The following ELP4 variants were observed in gnomAD, a reference collection of about 807,000 sequenced individuals.
ELP4 encodes the protein elongator complex protein 4.
In ELP4, 51 loss-of-function variants were observed where a neutral mutation model predicts 48.9. That is an observed-to-expected ratio of 1.04 (90% CI 0.83 to 1.32). The LOEUF (loss-of-function observed/expected upper bound fraction) is 1.32. Ranked by LOEUF, ELP4 falls within the 40% of genes most tolerant of loss-of-function variation. The probability of loss-of-function intolerance (pLI) is 0.00; values close to 1 mark genes in which losing one functional copy is unlikely to be tolerated. For synonymous variants in ELP4, 210 were observed against 189.2 expected (o/e 1.11, Z -0.90); for missense variants, 519 against 514.6 (o/e 1.01, Z -0.08).
At chr11:31,758,939 A>C (rs1054937669) in intron 9 of ELP4, among the ~76,000 whole-genome samples, 1 of 152,108 alleles carries the variant, frequency 6.6e-6, no homozygotes, top group Non-Finnish European at 1.5e-5. Context: ...TTTTAATAGA[A>C]AATTTTTAAA....
At position 31,729,834 on chromosome 11, in the gene ELP4, A is replaced by G. The variant is rs138151520; in HGVS notation, c.1144-53559A>G. On this transcript the variant is annotated intron_variant, in intron 9 of 9. Coordinates refer to ENST00000640961, the MANE Select transcript of ELP4 (RefSeq NM_019040.5). ...GCTTGTCTACGTATAATTCAGCCACATTGACTACAGCACCATTAGTTTGGC... is the reference window on the plus strand; with the variant it reads ...GCTTGTCTACGTATAATTCAGCCACGTTGACTACAGCACCATTAGTTTGGC... Among the ~76,000 whole-genome samples, 836 of 152,316 alleles carry G rather than the reference A, an allele frequency of 5.5e-3. 5 individuals carry two copies. Among genetic ancestry groups the G allele is most frequent in the Non-Finnish European group, 6.8e-3 (466 of 68,030 alleles).
intron 2 of ELP4, among the ~76,000 whole-genome samples, chr11:31,536,733 T>G (rs1195835393): frequency 6.6e-6 from 1 of 152,248 alleles, no homozygotes. Flanking sequence ...TCCACATACT[T>G]GTCAGTTGAA....
chr11:31,608,155 T>A (rs7935896), intron 5 of ELP4, among the ~76,000 whole-genome samples: 81 of 151,822 alleles, frequency 5.3e-4, no homozygotes, highest in African/African-American at 1.7e-3. Flanking sequence ...TATGACAGTT[T>A]GAGGTTATGT....
chr11:31,700,987 TTCC>T (rs1187066535), intron 9 of ELP4, among the ~76,000 whole-genome samples: 1 of 152,098 alleles, frequency 6.6e-6, no homozygotes, highest in Non-Finnish European at 1.5e-5. Context: ...TAAGATTTCC[TTCC>T]TCTTTACAAG....
At chr11:31,515,424 G>A (rs1956093345) in intron 1 of ELP4, among the ~76,000 whole-genome samples, 1 of 152,134 alleles carries the variant, frequency 6.6e-6, no homozygotes, top group African/African-American at 2.4e-5. Context: ...AAGGCTGGAG[G>A]CTAGTTTGAG....
At position 31,656,270 on chromosome 11, in the gene ELP4, C is replaced by A. The variant is rs187867860; in HGVS notation, c.1143+6049C>A. ...TATTATTCCAAATGATTGAAACTGC[C>A]ATCTTGCTGACTTTCCCTTAGGCAG... is the stretch of plus-strand genomic sequence containing the variant. On this transcript the variant is annotated intron_variant, in intron 9 of 9. Transcript: ENST00000640961. 3.9e-5 allele frequency among the ~76,000 whole-genome samples: 6 copies of A among 152,052 alleles called. No homozygotes were observed. In the East Asian group the frequency reaches 1.2e-3, roughly 29 times the overall value.
chr11:31,617,824 G>C (rs1322486748), intron 5 of ELP4, among the ~76,000 whole-genome samples: 1 of 150,320 alleles, frequency 6.7e-6, no homozygotes, highest in African/African-American at 2.4e-5. Flanking sequence ...ATAATAACAA[G>C]TGTTGACAAG....
chr11:31,562,004 A>G (rs1330201645), intron 3 of ELP4, among the ~76,000 whole-genome samples: 1 of 152,154 alleles, frequency 6.6e-6, no homozygotes, highest in Non-Finnish European at 1.5e-5. Context: ...ATCCATAGGC[A>G]GTGTTGAAAG....
At chr11:31,615,368 C>T (rs879823262) in intron 5 of ELP4, among the ~76,000 whole-genome samples, 8 of 151,938 alleles carry the variant, frequency 5.3e-5, no homozygotes, top group African/African-American at 4.8e-5. Context: ...AATGTCACTA[C>T]ATCAAAAGAA....
intron 1 of ELP4, among the ~76,000 whole-genome samples, chr11:31,516,184 T>C (rs777629497): frequency 4.6e-5 from 7 of 152,188 alleles, no homozygotes; most frequent in Non-Finnish European, 1.0e-4. Context: ...TTTGAGGAGA[T>C]GTAAGTGTAA....
chr11:31,515,033 G>GTATATATATA (rs10676705), intron 1 of ELP4, among the ~76,000 whole-genome samples: 56 of 133,980 alleles, frequency 4.2e-4, no homozygotes, highest in South Asian at 3.9e-3. Flanking sequence ...GTGTGTGTGT[G>GTATATATATA]TATATATATA....
intron 7 of ELP4, among the ~76,000 whole-genome samples, chr11:31,640,213 A>G (rs766656666): frequency 7.2e-5 from 11 of 152,104 alleles, no homozygotes; most frequent in Non-Finnish European, 1.3e-4. Context: ...CTTTTTGTGT[A>G]TAGAAAACAA....
Position 31,559,628 on chromosome 11 carries a change from G to T in ELP4, c.381+19845G>T, listed in dbSNP as rs555024520. Among the ~76,000 whole-genome samples, 9 of 152,272 alleles carry T rather than the reference G, an allele frequency of 5.9e-5. No homozygotes were observed. The East Asian group carries it at 1.7e-3, about 29-fold the overall frequency. ...ATAAAGAAAATCAGTTTTGGGCCGG[G>T]AGCGGCGGCTCACCCCTGTAATCCT... On this transcript the variant is annotated intron_variant, in intron 3 of 9. Transcript: ENST00000640961.
At chr11:31,534,125 G>A (rs747031421) in intron 2 of ELP4, among the ~76,000 whole-genome samples, 5 of 152,166 alleles carry the variant, frequency 3.3e-5, no homozygotes, top group Non-Finnish European at 5.9e-5. Flanking sequence ...CGTGAGCCAC[G>A]GTACCCGGCC....
chr11:31,771,411 A>T, intron 9 of ELP4, among the ~76,000 whole-genome samples: 1 of 152,126 alleles, frequency 6.6e-6, no homozygotes, highest in East Asian at 1.9e-4. Flanking sequence ...CCTGGTATTC[A>T]TAGAAATAAG....
chr11:31,613,666 A>C (rs935764618), intron 5 of ELP4, among the ~76,000 whole-genome samples: 6 of 147,764 alleles, frequency 4.1e-5, no homozygotes, highest in African/African-American at 1.0e-4. Flanking sequence ...TTTTTTTATT[A>C]TTATTCTTTG....
intron 2 of ELP4, among the ~76,000 whole-genome samples, chr11:31,526,420 G>T (rs1296934841): frequency 6.6e-6 from 1 of 151,900 alleles, no homozygotes; most frequent in Non-Finnish European, 1.5e-5. Flanking sequence ...GAAAACTTTT[G>T]TATAAATCTA....
At chr11:31,658,434 G>A (rs1945483685) in intron 9 of ELP4, among the ~76,000 whole-genome samples, 1 of 150,628 alleles carries the variant, frequency 6.6e-6, no homozygotes, top group Admixed American at 6.6e-5. Context: ...CTTATTTCTA[G>A]TAATATGGTA....
intron 3 of ELP4, among the ~76,000 whole-genome samples, chr11:31,575,182 G>C (rs986009051): frequency 6.6e-5 from 10 of 152,182 alleles, no homozygotes; most frequent in Non-Finnish European, 8.8e-5. Context: ...GTGAAAGAAA[G>C]GGTATCAGTG....
Sources: gnomAD v4.1 joint callset for allele counts (sites outside exome capture counted in the v4.1 genomes callset) on GRCh38, gnomAD v4.1.1 for gene constraint, MANE v1.5 for transcripts, NCBI Gene and HGNC (gene_info 2026-07-23, HGNC 2026-07-21) for gene names.